The following WDPCP variants were observed in gnomAD, a reference collection of about 807,000 sequenced individuals.
WDPCP encodes WD repeat-containing and planar cell polarity effector protein fritz homolog.
In WDPCP, 71 loss-of-function variants were observed where a neutral mutation model predicts 93.1. That is an observed-to-expected ratio of 0.76 (90% CI 0.63 to 0.93). The LOEUF (loss-of-function observed/expected upper bound fraction) is 0.93. WDPCP is among the 40% of genes least tolerant of loss of function. The probability of loss-of-function intolerance (pLI) is 0.00; values close to 1 mark genes in which losing one functional copy is unlikely to be tolerated. For synonymous variants in WDPCP, 315 were observed against 315.0 expected, an observed-to-expected ratio of 1.00 and a Z score of 0.00; for missense variants, 844 against 887.4, an observed-to-expected ratio of 0.95 and a Z score of 0.62.
At chr2:63,138,106 T>A (rs1670774008) in intron 17 of WDPCP, among the ~76,000 whole-genome samples, 1 of 150,132 alleles carries the variant, frequency 6.7e-6, no homozygotes, top group Non-Finnish European at 1.5e-5. Context: ...ATAGTTTATT[T>A]AACACTCCTC....
intron 10 of WDPCP, among the ~76,000 whole-genome samples, chr2:63,391,713 G>C (rs1298651477): frequency 6.6e-6 from 1 of 152,066 alleles, no homozygotes; most frequent in African/African-American, 2.4e-5. Context: ...AAATCAATGT[G>C]CAAAAATCAC....
intron 1 of WDPCP, among the ~76,000 whole-genome samples, chr2:63,538,544 A>T (rs1324634017): frequency 1.3e-5 from 2 of 152,186 alleles, no homozygotes; most frequent in East Asian, 3.8e-4. Flanking sequence ...GCCCAGCTAT[A>T]AAGATGATTT....
chr2:63,296,857 A>G (rs546030972), intron 13 of WDPCP, among the ~76,000 whole-genome samples: 8 of 152,332 alleles, frequency 5.3e-5, no homozygotes, highest in African/African-American at 1.9e-4. Context: ...TGTTAAAATG[A>G]CCACACAGCC....
chr2:63,150,390 A>G (rs1671808648), intron 17 of WDPCP, among the ~76,000 whole-genome samples: 3 of 152,182 alleles, frequency 2.0e-5, no homozygotes, highest in Admixed American at 6.5e-5. Flanking sequence ...AACTACTGGC[A>G]TTCAGTAGAC....
At chr2:63,441,950 C>A (rs1294303859) in intron 6 of WDPCP, 1 of 152,014 alleles carries the variant, frequency 6.6e-6, no homozygotes, top group African/African-American at 2.4e-5. Context: ...AGGTCGAGAT[C>A]AAAGCAAATA....
chr2:63,492,767 G>A, intron 2 of WDPCP, 89 bp downstream of exon 2: 1 of 1,181,584 alleles, frequency 8.5e-7, no homozygotes, highest in Non-Finnish European at 1.2e-6. Flanking sequence ...ACTCCAGCTG[G>A]AGAATTCAGG....
rs571577817 is a variant in WDPCP, at chr2:63,167,352, A to T, written c.2078+7318T>A. Among the ~76,000 whole-genome samples the T allele has an allele frequency of 3.9e-5, 6 of 151,982 alleles. No individual in the cohort carries two copies. The East Asian group carries it at 1.2e-3, about 29-fold the overall frequency. ...GGTGTAGTGTCTTGTTATTTTTTAAAGCTTTTGAGTTACAATTGTTCCCTT... is the reference window on the plus strand; with the variant it reads ...GGTGTAGTGTCTTGTTATTTTTTAATGCTTTTGAGTTACAATTGTTCCCTT... On this transcript the variant is annotated intron_variant, in intron 15 of 17. Coordinates refer to ENST00000272321, the MANE Select transcript of WDPCP (RefSeq NM_015910.7).
chr2:63,273,402 G>A (rs994598769), intron 13 of WDPCP, among the ~76,000 whole-genome samples: 1 of 150,204 alleles, frequency 6.7e-6, no homozygotes, highest in African/African-American at 2.4e-5. Context: ...AGTAAGAGAG[G>A]AAGAAAAGAA....
At chr2:63,723,405 C>T (rs1242411271) in intron 2 of WDPCP, among the ~76,000 whole-genome samples, 1 of 151,980 alleles carries the variant, frequency 6.6e-6, no homozygotes, top group Non-Finnish European at 1.5e-5. Flanking sequence ...TCCAGTGTCT[C>T]TCTGCCCTTT....
intron 2 of WDPCP, among the ~76,000 whole-genome samples, chr2:63,665,739 G>A (rs2106635053): frequency 6.6e-6 from 1 of 152,336 alleles, no homozygotes; most frequent in South Asian, 2.1e-4. Flanking sequence ...GCATGGTGCT[G>A]GTACACATAT....
intron 1 of WDPCP, among the ~76,000 whole-genome samples, chr2:63,549,926 A>G (rs1280653596): frequency 6.6e-6 from 1 of 152,096 alleles, no homozygotes; most frequent in Admixed American, 6.6e-5. Flanking sequence ...TTGTTTATGC[A>G]GTAATAATGT....
chr2:63,794,596 G>GCCTGATATCCTAAGGATAAC (rs1670589861), intron 2 of WDPCP, among the ~76,000 whole-genome samples: 1 of 152,190 alleles, frequency 6.6e-6, no homozygotes, highest in African/African-American at 2.4e-5. Context: ...CTTAGGATAA[G>GCCTGATATCCTAAGGATAAC]CCTGATATTA....
intron 3 of WDPCP, chr2:63,594,730 A>T: frequency 4.8e-6 from 3 of 624,304 alleles, no homozygotes; most frequent in Non-Finnish European, 8.3e-6. Flanking sequence ...TATAAATGGA[A>T]GCTACTAAGG....
chr2:63,193,200 G>GAAAC (rs1198866204), intron 14 of WDPCP, among the ~76,000 whole-genome samples: 1 of 152,136 alleles, frequency 6.6e-6, no homozygotes, highest in Non-Finnish European at 1.5e-5. Context: ...ACTGATCTTG[G>GAAAC]AAACAATTTA....
intron 1 of WDPCP, among the ~76,000 whole-genome samples, chr2:63,507,301 T>C (rs182797821): frequency 2.6e-4 from 40 of 152,214 alleles, no homozygotes; most frequent in African/African-American, 9.6e-4. Context: ...GGCAACAGAC[T>C]TTCTCAATCG....
At chr2:63,386,674 T>C (rs1185235906) in intron 10 of WDPCP, among the ~76,000 whole-genome samples, 2 of 152,088 alleles carry the variant, frequency 1.3e-5, no homozygotes, top group Non-Finnish European at 2.9e-5. Context: ...CATTTTAAAC[T>C]TGTAGGTTTT....
chr2:63,301,602 T>C (rs1685337264), intron 13 of WDPCP, among the ~76,000 whole-genome samples: 1 of 152,092 alleles, frequency 6.6e-6, no homozygotes, highest in Non-Finnish European at 1.5e-5. Context: ...GCCACTTGGG[T>C]AAGCATGACT....
chr2:63,552,381 A>G (rs1382805384), intron 1 of WDPCP, among the ~76,000 whole-genome samples: 1 of 152,084 alleles, frequency 6.6e-6, no homozygotes, highest in Non-Finnish European at 1.5e-5. Flanking sequence ...ATAAAATGCC[A>G]ATTTTTAAAG....
intron 3 of WDPCP, among the ~76,000 whole-genome samples, chr2:63,618,170 G>A (rs1031568934): frequency 2.0e-5 from 3 of 152,114 alleles, no homozygotes; most frequent in African/African-American, 7.2e-5. Context: ...TTTCTTTTCT[G>A]CTCAAATATC....
Sources: gnomAD v4.1 joint callset for allele counts (sites outside exome capture counted in the v4.1 genomes callset) on GRCh38, gnomAD v4.1.1 for gene constraint, MANE v1.5 for transcripts, NCBI Gene and HGNC (gene_info 2026-07-23, HGNC 2026-07-21) for gene names.